NPFFR2: variants seen among roughly 807,000 people sequenced by gnomAD.
The protein encoded by NPFFR2 is neuropeptide FF receptor 2.
NPFFR2 carries 15 observed loss-of-function variants against 13.1 expected under a neutral mutation model. The ratio of observed to expected loss-of-function variants is 1.15; its 90% CI spans 0.77 to 1.76. NPFFR2 has a LOEUF of 1.76. Among genes scored for constraint, NPFFR2 ranks in the 40% most tolerant of loss-of-function variants. The pLI is 0.00. For synonymous variants in NPFFR2, 190 were observed against 175.7 expected (o/e 1.08, Z -0.65); for missense variants, 572 against 503.5 (o/e 1.14, Z -1.30).
rs1180976868 is a variant in NPFFR2, at chr4:72,147,225, A to G, written c.676A>G (p.Asn226Asp). 5.6e-6 allele frequency: 9 copies of G among 1,614,198 alleles called. No individual in the cohort carries two copies. The highest frequency in any genetic ancestry group is 2.5e-6 in the Non-Finnish European group (3 of 1,180,034). ...RKIYTTVLFANIYLAPLSLIV... is the reference protein window; with the variant it reads ...RKIYTTVLFADIYLAPLSLIV... ...GATCTACACCACTGTGCTGTTTGCC[A>G]ACATCTACCTGGCTCCCCTCTCCCT... Residue 226 changes from asparagine to aspartate, a missense_variant, in exon 4 of 4, where the codon AAC becomes GAC. By Grantham distance (23) the Asn-to-Asp change is conservative. Coordinates refer to ENST00000308744, the MANE Select transcript of NPFFR2 (RefSeq NM_004885.3).
intron 1 of NPFFR2, among the ~76,000 whole-genome samples, chr4:72,096,000 T>G (rs544057941): frequency 1.3e-5 from 2 of 152,336 alleles, no homozygotes; most frequent in South Asian, 2.1e-4. Context: ...TGTTCATTAT[T>G]TGTTTGTTTC....
At chr4:72,053,024 A>G (rs528549887) in intron 1 of NPFFR2, among the ~76,000 whole-genome samples, 5 of 151,856 alleles carry the variant, frequency 3.3e-5, no homozygotes, top group Admixed American at 6.6e-5. Context: ...ACATGTATTG[A>G]TTGATATCGT....
At chr4:72,042,969 C>T (rs957756789) in intron 1 of NPFFR2, among the ~76,000 whole-genome samples, 1 of 152,340 alleles carries the variant, frequency 6.6e-6, no homozygotes, top group East Asian at 1.9e-4. Flanking sequence ...CCTCCCATCA[C>T]AGGCCCAGAG....
chr4:72,061,390 T>G (rs1427456309), intron 1 of NPFFR2, among the ~76,000 whole-genome samples: 1 of 152,118 alleles, frequency 6.6e-6, no homozygotes, highest in Non-Finnish European at 1.5e-5. Flanking sequence ...ACTGTGCTAA[T>G]CTATCACTAG....
intron 1 of NPFFR2, among the ~76,000 whole-genome samples, chr4:72,034,626 G>A (rs1718998546): frequency 6.6e-6 from 1 of 152,170 alleles, no homozygotes; most frequent in Admixed American, 6.5e-5. Context: ...TTAACAAATT[G>A]TTCTCTTAAA....
chr4:72,102,229 G>A (rs1721271254), intron 1 of NPFFR2, among the ~76,000 whole-genome samples: 1 of 152,044 alleles, frequency 6.6e-6, no homozygotes, highest in South Asian at 2.1e-4. Flanking sequence ...TCCTGTTGGT[G>A]GAAAAACTTA....
intron 1 of NPFFR2, among the ~76,000 whole-genome samples, chr4:72,067,941 A>T (rs1578433725): frequency 6.6e-6 from 1 of 152,282 alleles, no homozygotes; most frequent in Non-Finnish European, 1.5e-5. Flanking sequence ...GGAAGAATGA[A>T]CCTTTCCCTG....
At chr4:72,095,860 A>G (rs1721056678) in intron 1 of NPFFR2, among the ~76,000 whole-genome samples, 1 of 152,194 alleles carries the variant, frequency 6.6e-6, no homozygotes, top group African/African-American at 2.4e-5. Flanking sequence ...CCGTAGCCTC[A>G]AAACTCTCTC....
chr4:72,092,834 A>T (rs1056929100), intron 1 of NPFFR2, among the ~76,000 whole-genome samples: 1 of 152,172 alleles, frequency 6.6e-6, no homozygotes, highest in Admixed American at 6.5e-5. Flanking sequence ...GGCCATTTAC[A>T]TTCAACATTA....
intron 1 of NPFFR2, among the ~76,000 whole-genome samples, chr4:72,117,071 AC>A (rs542163954): frequency 1.3e-4 from 19 of 151,894 alleles, no homozygotes; most frequent in African/African-American, 4.6e-4. Flanking sequence ...GGCACAAAGG[AC>A]CCCCCACCCT....
intron 1 of NPFFR2, among the ~76,000 whole-genome samples, chr4:72,114,959 A>G (rs375683258): frequency 1.2e-4 from 19 of 152,296 alleles, no homozygotes; most frequent in African/African-American, 4.6e-4. Flanking sequence ...AGTGATAATC[A>G]TAGTATTTTC....
At chr4:72,062,688 G>A (rs1719955562) in intron 1 of NPFFR2, among the ~76,000 whole-genome samples, 1 of 152,182 alleles carries the variant, frequency 6.6e-6, no homozygotes, top group Non-Finnish European at 1.5e-5. Flanking sequence ...TGGTACTCCA[G>A]GTTGAGGCTT....
intron 1 of NPFFR2, among the ~76,000 whole-genome samples, chr4:72,092,093 C>T (rs1473506532): frequency 6.6e-6 from 1 of 152,040 alleles, no homozygotes; most frequent in Non-Finnish European, 1.5e-5. Flanking sequence ...TTATTGCTGA[C>T]TCAGTGACCA....
intron 1 of NPFFR2, among the ~76,000 whole-genome samples, chr4:72,054,186 C>T (rs1458008950): frequency 3.3e-5 from 5 of 151,726 alleles, no homozygotes; most frequent in African/African-American, 1.2e-4. Flanking sequence ...GAAGAAACAA[C>T]AATTTTTTTT....
chr4:72,053,615 C>T (rs6819586), intron 1 of NPFFR2, among the ~76,000 whole-genome samples: 135,097 of 151,564 alleles, frequency 0.89, 61,301 homozygotes, highest in Non-Finnish European at 0.98. Flanking sequence ...TATAGAAATA[C>T]AATTATTATT....
intron 3 of NPFFR2, among the ~76,000 whole-genome samples, chr4:72,144,172 CT>C (rs1267555111): frequency 1.4e-5 from 2 of 145,472 alleles, no homozygotes; most frequent in African/African-American, 5.4e-5. Flanking sequence ...CTGTTGGTAC[CT>C]AGTCCAGGGA....
chr4:72,124,171 A>G (rs1721970190), intron 1 of NPFFR2, among the ~76,000 whole-genome samples: 1 of 152,178 alleles, frequency 6.6e-6, no homozygotes, highest in African/African-American at 2.4e-5. Context: ...AATTGCTACA[A>G]AAAGAATAAA....
intron 1 of NPFFR2, among the ~76,000 whole-genome samples, chr4:72,051,567 A>G (rs559350357): frequency 6.7e-6 from 1 of 150,346 alleles, no homozygotes; most frequent in South Asian, 2.1e-4. Context: ...TGACACCCTA[A>G]CGTCACAATT....
intron 1 of NPFFR2, among the ~76,000 whole-genome samples, chr4:72,062,145 G>A (rs7680168): frequency 0.89 from 135,518 of 151,954 alleles, 61,521 homozygotes; most frequent in Non-Finnish European, 0.98. Context: ...TTAGGTTTAC[G>A]TTATGTTTGA....
Sources: allele counts gnomAD v4.1 joint callset (sites outside exome capture counted in the v4.1 genomes callset), GRCh38; gene constraint gnomAD v4.1.1; transcripts MANE v1.5; gene names NCBI Gene and HGNC (gene_info 2026-07-23, HGNC 2026-07-21).